Variants in PCDH7 observed in about 807,000 individuals in gnomAD.
The protein encoded by PCDH7 is protocadherin-7.
A neutral mutation model predicts 58.9 loss-of-function variants in PCDH7; 17 were observed. The observed-to-expected ratio is 0.29, with a 90% CI of 0.20 to 0.43. The LOEUF is 0.43. PCDH7 is among the 20% of genes least tolerant of loss of function. PCDH7 has a pLI of 1.00. For synonymous variants in PCDH7, 664 were observed against 616.4 expected, an observed-to-expected ratio of 1.08 and a Z score of -1.14; for missense variants, 1,274 against 1,441.0, an observed-to-expected ratio of 0.88 and a Z score of 1.88.
chr4:31,103,340 TTTTTTG>T (rs551874906), intron 3 of PCDH7, among the ~76,000 whole-genome samples: 116 of 152,220 alleles, frequency 7.6e-4, no homozygotes, highest in Non-Finnish European at 1.1e-3. Flanking sequence ...TTTCTTTTCT[TTTTTTG>T]TTTTTGTTTT....
chr4:31,095,386 T>C (rs921997093), intron 3 of PCDH7, among the ~76,000 whole-genome samples: 3 of 152,122 alleles, frequency 2.0e-5, no homozygotes, highest in African/African-American at 7.2e-5. Context: ...TTTATAGCTT[T>C]TCTATTCCTA....
chr4:30,795,516 G>T (rs1577837029), intron 1 of PCDH7, among the ~76,000 whole-genome samples: 1 of 152,222 alleles, frequency 6.6e-6, no homozygotes. Flanking sequence ...ATTGGTCTCA[G>T]TGCAAAGCGA....
intron 3 of PCDH7, among the ~76,000 whole-genome samples, chr4:31,008,591 A>G (rs1001948345): frequency 3.3e-5 from 5 of 151,308 alleles, no homozygotes; most frequent in Non-Finnish European, 7.4e-5. Context: ...TTCTCTTGTT[A>G]ATTTACAGGG....
At chr4:31,112,059 A>C (rs1424490982) in intron 3 of PCDH7, among the ~76,000 whole-genome samples, 1 of 152,210 alleles carries the variant, frequency 6.6e-6, no homozygotes, top group African/African-American at 2.4e-5. Flanking sequence ...TAAAATCTAA[A>C]AGTTAAGTAT....
At chr4:30,898,044 GAAGTT>G (rs1446725646) in intron 1 of PCDH7, among the ~76,000 whole-genome samples, 1 of 152,148 alleles carries the variant, frequency 6.6e-6, no homozygotes, top group Admixed American at 6.5e-5. Context: ...AGAAAATTGA[GAAGTT>G]AAGTTTTCCA....
chr4:31,072,665 A>G (rs918641493), intron 3 of PCDH7, among the ~76,000 whole-genome samples: 1 of 152,100 alleles, frequency 6.6e-6, no homozygotes, highest in Non-Finnish European at 1.5e-5. Context: ...AGAACGTTTC[A>G]CAGAGTTGTG....
At chr4:31,009,595 T>C (rs1311547689) in intron 3 of PCDH7, among the ~76,000 whole-genome samples, 1 of 152,036 alleles carries the variant, frequency 6.6e-6, no homozygotes, top group Non-Finnish European at 1.5e-5. Flanking sequence ...AGATATGTCA[T>C]TAATTTTCAA....
rs57028531 is a variant in PCDH7, at chr4:31,010,837, G to A, written c.*7+60622G>A. On this transcript the variant is annotated intron_variant, in intron 3 of 3. Transcript: ENST00000509759. ...CTCAAAAATAATACAATGATTTTAAGCCTCATTTTTTCTCAGTCATATTTT... is the reference window on the plus strand; with the variant it reads ...CTCAAAAATAATACAATGATTTTAAACCTCATTTTTTCTCAGTCATATTTT... Among the ~76,000 whole-genome samples the A allele has an allele frequency of 5.8e-3, 882 of 151,944 alleles. 18 individuals carry two copies. Among genetic ancestry groups the A allele is most frequent in the African/African-American group, 0.021 (855 of 41,488 alleles).
chr4:30,942,936 T>C (rs1746228950), intron 2 of PCDH7, among the ~76,000 whole-genome samples: 1 of 151,706 alleles, frequency 6.6e-6, no homozygotes, highest in Admixed American at 6.6e-5. Flanking sequence ...TCTTTACACA[T>C]TTCATTCTAT....
At chr4:30,745,400 A>G (rs1717650333) in intron 1 of PCDH7, among the ~76,000 whole-genome samples, 1 of 151,954 alleles carries the variant, frequency 6.6e-6, no homozygotes, top group Non-Finnish European at 1.5e-5. Flanking sequence ...AGCACTTATC[A>G]TGTGTCCTAT....
At chr4:31,110,070 C>T (rs932997809) in intron 3 of PCDH7, among the ~76,000 whole-genome samples, 7 of 152,166 alleles carry the variant, frequency 4.6e-5, no homozygotes, top group African/African-American at 1.7e-4. Context: ...TTATGGCTAC[C>T]TAGGCTTGTT....
chr4:30,858,191 A>T (rs532323487), intron 1 of PCDH7, among the ~76,000 whole-genome samples: 2 of 152,292 alleles, frequency 1.3e-5, no homozygotes, highest in South Asian at 4.1e-4. Flanking sequence ...GACTTTTGCC[A>T]GTCTTTTTAT....
intron 3 of PCDH7, among the ~76,000 whole-genome samples, chr4:30,985,743 G>A (rs946838113): frequency 2.0e-5 from 3 of 152,114 alleles, no homozygotes; most frequent in Admixed American, 6.6e-5. Context: ...ATTTTTGAAC[G>A]TTTAAACCTA....
chr4:30,880,720 C>G (rs1463110766), intron 1 of PCDH7, among the ~76,000 whole-genome samples: 1 of 152,084 alleles, frequency 6.6e-6, no homozygotes, highest in Non-Finnish European at 1.5e-5. Flanking sequence ...GGCAAAAATG[C>G]AAGCAAATAG....
chr4:30,884,427 T>C (rs1047962994), intron 1 of PCDH7: 7 of 152,290 alleles, frequency 4.6e-5, no homozygotes, highest in East Asian at 1.9e-4. Context: ...TGAATTATAC[T>C]ACAAGGGCAT....
intron 1 of PCDH7, among the ~76,000 whole-genome samples, chr4:30,832,846 G>C (rs1176640158): frequency 6.6e-6 from 1 of 152,170 alleles, no homozygotes; most frequent in Non-Finnish European, 1.5e-5. Flanking sequence ...TAACTAATGT[G>C]ATCAACGCAA....
intron 1 of PCDH7, among the ~76,000 whole-genome samples, chr4:30,919,568 T>C (rs1044881007): frequency 6.6e-6 from 1 of 152,180 alleles, no homozygotes; most frequent in African/African-American, 2.4e-5. Context: ...AATATGACTC[T>C]TACAATTTCA....
chr4:31,032,899 A>C (rs901872126), intron 3 of PCDH7, among the ~76,000 whole-genome samples: 2 of 152,162 alleles, frequency 1.3e-5, no homozygotes, highest in Admixed American at 1.3e-4. Flanking sequence ...AATAAGGAAT[A>C]GATTTTGTGC....
intron 1 of PCDH7, among the ~76,000 whole-genome samples, chr4:30,885,597 T>C (rs1737616025): frequency 6.6e-6 from 1 of 152,096 alleles, no homozygotes. Flanking sequence ...CCAATGACTT[T>C]CTTCAAAGAA....
Sources: gnomAD v4.1 joint callset for allele counts (sites outside exome capture counted in the v4.1 genomes callset) on GRCh38, gnomAD v4.1.1 for gene constraint, MANE v1.5 for transcripts, NCBI Gene and HGNC (gene_info 2026-07-23, HGNC 2026-07-21) for gene names.